Variants in OSBPL1A observed in about 807,000 individuals in gnomAD.
OSBPL1A encodes the protein oxysterol binding protein like 1A.
In OSBPL1A, 80 loss-of-function variants were observed where a neutral mutation model predicts 137.1. That is an observed-to-expected ratio of 0.58 (90% CI 0.49 to 0.70). OSBPL1A has a LOEUF of 0.70. Among genes scored for constraint, OSBPL1A ranks in the 30% least tolerant of loss-of-function variants. The pLI is 0.00. For missense variants in OSBPL1A, 970 were observed against 1,129.4 expected, an observed-to-expected ratio of 0.86 and a Z score of 2.02; for synonymous variants, 365 against 389.7, an observed-to-expected ratio of 0.94 and a Z score of 0.75.
intron 18 of OSBPL1A, among the ~76,000 whole-genome samples, chr18:24,187,372 G>A (rs1000676584): frequency 9.2e-5 from 14 of 152,174 alleles, no homozygotes; most frequent in African/African-American, 3.4e-4. Flanking sequence ...ACTTAAAAAT[G>A]GTGAAGGTGG....
chr18:24,385,579 G>T (rs1028352569), intron 1 of OSBPL1A, among the ~76,000 whole-genome samples: 13 of 152,100 alleles, frequency 8.5e-5, no homozygotes, highest in African/African-American at 3.1e-4. Flanking sequence ...AGAAGAGGGT[G>T]GCAGCAGCTG....
At chr18:24,268,211 G>T (rs1359105158) in intron 15 of OSBPL1A, among the ~76,000 whole-genome samples, 1 of 152,012 alleles carries the variant, frequency 6.6e-6, no homozygotes, top group Non-Finnish European at 1.5e-5. Context: ...CCCTTCCCAG[G>T]CCCAAGTGAT....
At chr18:24,284,498 T>G (rs2146078883) in intron 14 of OSBPL1A, among the ~76,000 whole-genome samples, 1 of 152,320 alleles carries the variant, frequency 6.6e-6, no homozygotes, top group African/African-American at 2.4e-5. Context: ...AAGCTCACAA[T>G]CTGTCATTTT....
chr18:24,312,772 G>C (rs1012584589), intron 12 of OSBPL1A, among the ~76,000 whole-genome samples: 1 of 152,130 alleles, frequency 6.6e-6, no homozygotes, highest in Non-Finnish European at 1.5e-5. Context: ...TTGGAAAATA[G>C]ATTATTTTAA....
At chr18:24,364,222 T>C (rs2091669964) in intron 4 of OSBPL1A, among the ~76,000 whole-genome samples, 1 of 152,134 alleles carries the variant, frequency 6.6e-6, no homozygotes, top group African/African-American at 2.4e-5. Flanking sequence ...TAGGTGAGCT[T>C]CCCAGGTACC....
At chr18:24,247,913 A>G (rs962199709) in intron 15 of OSBPL1A, among the ~76,000 whole-genome samples, 4 of 152,202 alleles carry the variant, frequency 2.6e-5, no homozygotes, top group Non-Finnish European at 4.4e-5. Context: ...TGAAGTTTTC[A>G]TTATGGAAGA....
intron 17 of OSBPL1A, among the ~76,000 whole-genome samples, chr18:24,220,198 C>T (rs2087842887): frequency 6.6e-6 from 1 of 152,248 alleles, no homozygotes; most frequent in Non-Finnish European, 1.5e-5. Context: ...TCCGCCTACA[C>T]CACAGCACAG....
At chr18:24,286,496 T>G (rs2090069104) in intron 14 of OSBPL1A, among the ~76,000 whole-genome samples, 1 of 152,164 alleles carries the variant, frequency 6.6e-6, no homozygotes, top group Non-Finnish European at 1.5e-5. Flanking sequence ...TAGCTCAAAG[T>G]GGCATGTATT....
chr18:24,164,434 T>G lies in OSBPL1A; in HGVS notation c.2750+631A>C, dbSNP rs866067070. Among the ~76,000 whole-genome samples, 213 of 137,368 alleles carry G rather than the reference T, an allele frequency of 1.6e-3. 2 individuals carry two copies. Among genetic ancestry groups the G allele is most frequent in the Middle Eastern group, 3.6e-3 (1 of 280 alleles). The allele number at this position is 137,368 out of a possible 152,430, so 90.1% of individuals were successfully genotyped here. On this transcript the variant is annotated intron_variant, in intron 27 of 27. Transcript: ENST00000319481. Reference sequence around the variant, plus strand: ...GGAGATTTTTGGTTTTTTTTTTTTTTTTTTTTTTTTTTGAGACGGAGTCTC... The same window carrying G: ...GGAGATTTTTGGTTTTTTTTTTTTTGTTTTTTTTTTTTGAGACGGAGTCTC...
chr18:24,299,797 A>G (rs1388708177), intron 14 of OSBPL1A, among the ~76,000 whole-genome samples: 2 of 152,254 alleles, frequency 1.3e-5, no homozygotes, highest in African/African-American at 4.8e-5. Flanking sequence ...GCAATATAGT[A>G]TATGTATTAA....
chr18:24,197,324 G>A (rs1355082954), intron 17 of OSBPL1A, among the ~76,000 whole-genome samples: 2 of 152,116 alleles, frequency 1.3e-5, no homozygotes, highest in Non-Finnish European at 2.9e-5. Context: ...TCCAGCCTGG[G>A]CAACAGAGCG....
intron 14 of OSBPL1A, among the ~76,000 whole-genome samples, chr18:24,297,747 G>A (rs1198880487): frequency 6.6e-6 from 1 of 152,120 alleles, no homozygotes; most frequent in African/African-American, 2.4e-5. Context: ...CCTGTGGTCT[G>A]AGAAGATATT....
At chr18:24,260,111 T>C (rs2089406569) in intron 15 of OSBPL1A, among the ~76,000 whole-genome samples, 1 of 151,908 alleles carries the variant, frequency 6.6e-6, no homozygotes, top group African/African-American at 2.4e-5. Context: ...ATAAACACAA[T>C]GAGATACCAC....
chr18:24,184,525 T>C (rs1201005655), intron 18 of OSBPL1A, among the ~76,000 whole-genome samples: 1 of 152,208 alleles, frequency 6.6e-6, no homozygotes, highest in South Asian at 2.1e-4. Flanking sequence ...TCAAGTTTTG[T>C]AGCACTCACT....
chr18:24,254,832 A>C (rs976000140), intron 15 of OSBPL1A, among the ~76,000 whole-genome samples: 3 of 152,216 alleles, frequency 2.0e-5, no homozygotes, highest in African/African-American at 7.2e-5. Context: ...AGAATAAATC[A>C]ACAGAAGAAA....
intron 17 of OSBPL1A, among the ~76,000 whole-genome samples, chr18:24,198,927 G>A (rs557207437): frequency 5.2e-4 from 78 of 150,506 alleles, no homozygotes; most frequent in Non-Finnish European, 9.5e-4. Context: ...GTATGATCTC[G>A]ACTCACTGCA....
chr18:24,221,664 A>G (rs1364707440), intron 17 of OSBPL1A, among the ~76,000 whole-genome samples: 1 of 152,158 alleles, frequency 6.6e-6, no homozygotes, highest in Non-Finnish European at 1.5e-5. Context: ...TTCCATATTA[A>G]ATGATTATCC....
At chr18:24,385,207 G>C (rs937638990) in intron 1 of OSBPL1A, among the ~76,000 whole-genome samples, 1 of 151,954 alleles carries the variant, frequency 6.6e-6, no homozygotes, top group Non-Finnish European at 1.5e-5. Context: ...GCCCGCCCCG[G>C]CCTCCCAAAG....
At chr18:24,224,421 A>G (rs2087998999) in intron 17 of OSBPL1A, among the ~76,000 whole-genome samples, 1 of 152,200 alleles carries the variant, frequency 6.6e-6, no homozygotes, top group Non-Finnish European at 1.5e-5. Flanking sequence ...ACTAGCATGC[A>G]TATACACCAC....
Sources: allele counts gnomAD v4.1 joint callset (sites outside exome capture counted in the v4.1 genomes callset), GRCh38; gene constraint gnomAD v4.1.1; transcripts MANE v1.5; gene names NCBI Gene and HGNC (gene_info 2026-07-23, HGNC 2026-07-21).